Variants in PTPRN2 observed in about 807,000 individuals in gnomAD.
PTPRN2 encodes the protein receptor-type tyrosine-protein phosphatase N2.
PTPRN2 carries 74 observed loss-of-function variants against 118.8 expected under a neutral mutation model. That is an observed-to-expected ratio of 0.62 (90% CI 0.52 to 0.76). The LOEUF (loss-of-function observed/expected upper bound fraction) is 0.76, where lower values mean the gene tolerates loss of function less well. Ranked by LOEUF, PTPRN2 falls within the 30% of genes least tolerant of loss-of-function variation. PTPRN2 has a pLI of 0.00. For missense variants in PTPRN2, 1,481 were observed against 1,394.4 expected (o/e 1.06, Z -0.99); for synonymous variants, 641 against 608.0 (o/e 1.05, Z -0.80).
chr7:157,789,467 G>A (rs1188051957), intron 12 of PTPRN2, among the ~76,000 whole-genome samples: 4 of 152,214 alleles, frequency 2.6e-5, no homozygotes, highest in African/African-American at 9.6e-5. Flanking sequence ...CTCTCAGGAG[G>A]CTCGTGGGAG....
intron 11 of PTPRN2, among the ~76,000 whole-genome samples, chr7:157,965,461 C>T (rs193050549): frequency 3.0e-4 from 46 of 152,248 alleles, no homozygotes; most frequent in East Asian, 2.5e-3. Context: ...TCCCAGCTTA[C>T]ACAGCTGAGG....
rs911635590 is a variant in PTPRN2 at position 158,445,947 on chromosome 7, C to T, written c.163+43788G>A. 2.6e-5 allele frequency among the ~76,000 whole-genome samples: 4 copies of T among 152,270 alleles called. No individual in the cohort carries two copies. The East Asian group carries it at 5.8e-4, about 22-fold the overall frequency. ...GCGCCCAGGTGAGCCCTCGGACCAC[C>T]GCATGTGAGAAGCCAGGACACTCAG... On this transcript the variant is annotated intron_variant, in intron 2 of 22. Coordinates refer to ENST00000389418, the MANE Select transcript of PTPRN2 (RefSeq NM_002847.5).
At chr7:158,124,721 C>A (rs553911487) in intron 9 of PTPRN2, among the ~76,000 whole-genome samples, 1 of 151,990 alleles carries the variant, frequency 6.6e-6, no homozygotes, top group Non-Finnish European at 1.5e-5. Context: ...GCTGCCGGGG[C>A]GGAGGGAGGG....
chr7:158,087,702 T>C (rs140222337), intron 10 of PTPRN2, among the ~76,000 whole-genome samples: 43 of 50,114 alleles, frequency 8.6e-4, no homozygotes, highest in East Asian at 3.6e-3. Context: ...CTTCCCCTGA[T>C]GAAGGAGGGA....
intron 12 of PTPRN2, among the ~76,000 whole-genome samples, chr7:157,807,187 T>C (rs921695388): frequency 6.6e-6 from 1 of 152,190 alleles, no homozygotes; most frequent in Non-Finnish European, 1.5e-5. Context: ...CGAGAACACA[T>C]ATGTTCCCAC....
At chr7:158,144,828 C>A (rs192546525) in intron 6 of PTPRN2, among the ~76,000 whole-genome samples, 153 of 152,302 alleles carry the variant, frequency 1.0e-3, no homozygotes, top group African/African-American at 3.5e-3. Flanking sequence ...GGTGTGTCGA[C>A]CCACCCTGAA....
intron 12 of PTPRN2, among the ~76,000 whole-genome samples, chr7:157,782,978 C>T (rs1346526792): frequency 6.6e-6 from 1 of 152,188 alleles, no homozygotes; most frequent in Non-Finnish European, 1.5e-5. Context: ...GGGGAGTGAC[C>T]TGGTGGGAGG....
chr7:158,382,531 A>G (rs1273098611), intron 2 of PTPRN2, among the ~76,000 whole-genome samples: 3 of 151,934 alleles, frequency 2.0e-5, no homozygotes, highest in African/African-American at 4.8e-5. Context: ...GGAGTCCCCA[A>G]CCCCCGGGCC....
chr7:157,961,585 G>C (rs1801542371), intron 11 of PTPRN2, among the ~76,000 whole-genome samples: 1 of 151,888 alleles, frequency 6.6e-6, no homozygotes, highest in Admixed American at 6.6e-5. Context: ...ATTTTAAAAA[G>C]AGGGCAGGAA....
intron 12 of PTPRN2, among the ~76,000 whole-genome samples, chr7:157,888,957 C>G (rs376380235): frequency 1.6e-3 from 244 of 152,282 alleles, no homozygotes; most frequent in Non-Finnish European, 2.3e-3. Context: ...ATTACCCAGA[C>G]GTAACCACCA....
intron 11 of PTPRN2, among the ~76,000 whole-genome samples, chr7:158,037,911 G>A (rs533892981): frequency 1.3e-5 from 2 of 152,348 alleles, no homozygotes; most frequent in African/African-American, 4.8e-5. Context: ...CACAGCAGGT[G>A]AGTATCACAG....
chr7:158,034,060 T>G (rs555784601), intron 11 of PTPRN2, among the ~76,000 whole-genome samples: 1 of 146,060 alleles, frequency 6.8e-6, no homozygotes, highest in Admixed American at 6.8e-5. Flanking sequence ...GAGACCCCAT[T>G]AAAAACTCTG....
chr7:158,079,143 A>T (rs1812605895), intron 11 of PTPRN2, among the ~76,000 whole-genome samples: 2 of 152,200 alleles, frequency 1.3e-5, no homozygotes, highest in Non-Finnish European at 2.9e-5. Flanking sequence ...GCACCCGGCC[A>T]ATCTGTTTCT....
chr7:158,365,206 C>A (rs1325355715), intron 2 of PTPRN2, among the ~76,000 whole-genome samples: 1 of 152,238 alleles, frequency 6.6e-6, no homozygotes, highest in Non-Finnish European at 1.5e-5. Flanking sequence ...GCGAGCGCCT[C>A]ACGTGAGCCA....
chr7:158,440,575 A>G (rs1338840732), intron 2 of PTPRN2, among the ~76,000 whole-genome samples: 7 of 148,316 alleles, frequency 4.7e-5, no homozygotes, highest in African/African-American at 1.8e-4. Context: ...GGTGATAATG[A>G]TAGTGGTAAC....
At chr7:157,980,777 C>G (rs2128828183) in intron 11 of PTPRN2, among the ~76,000 whole-genome samples, 1 of 152,286 alleles carries the variant, frequency 6.6e-6, no homozygotes, top group East Asian at 1.9e-4. Flanking sequence ...ATAAAAGATA[C>G]TACGTGATTG....
intron 5 of PTPRN2, among the ~76,000 whole-genome samples, chr7:158,191,263 C>T (rs1005588343): frequency 1.3e-5 from 2 of 152,216 alleles, no homozygotes; most frequent in African/African-American, 4.8e-5. Flanking sequence ...GCCACAGCTC[C>T]TGGTGAGACC....
chr7:158,318,233 C>G (rs1056253518), intron 2 of PTPRN2, among the ~76,000 whole-genome samples: 2 of 152,072 alleles, frequency 1.3e-5, no homozygotes, highest in African/African-American at 2.4e-5. Context: ...TCCTCAGACA[C>G]GCACCATTCA....
rs188311338 is a variant in PTPRN2, at chr7:157,817,985, A to G, written c.1788+80688T>C. On this transcript the variant is annotated intron_variant, in intron 12 of 22. Transcript: ENST00000389418. ...GTGTGTGCCTGTTTGTACATGTGTG[A>G]TATATGTGTTGTGCGTGGGGCATGT... 7.9e-5 allele frequency among the ~76,000 whole-genome samples: 12 copies of G among 151,018 alleles called. No individual in the cohort carries two copies. The East Asian group carries it at 2.3e-3, about 29-fold the overall frequency.
Sources: allele counts gnomAD v4.1 joint callset (sites outside exome capture counted in the v4.1 genomes callset), GRCh38; gene constraint gnomAD v4.1.1; transcripts MANE v1.5; gene names NCBI Gene and HGNC (gene_info 2026-07-23, HGNC 2026-07-21).